Variants in SNRPN observed in about 807,000 individuals in gnomAD.
SNRPN encodes small nuclear ribonucleoprotein-associated protein N.
SNRPN carries 7 observed loss-of-function variants against 25.2 expected under a neutral mutation model. The observed-to-expected ratio is 0.28, with a 90% confidence interval of 0.16 to 0.52. The LOEUF (loss-of-function observed/expected upper bound fraction) is 0.52. Among genes scored for constraint, SNRPN ranks in the 20% least tolerant of loss-of-function variants. SNRPN has a pLI of 0.96. For synonymous variants in SNRPN, 124 were observed against 110.6 expected (o/e 1.12, Z -0.76); for missense variants, 196 against 322.5 (o/e 0.61, Z 3.00).
chr15:24,954,868 G>A, upstream of SNRPN: 1 of 797,762 alleles, frequency 1.3e-6, no homozygotes, highest in Non-Finnish European at 2.0e-6. Flanking sequence ...GGTGAGGGAG[G>A]GAGCTGGGAC....
intron 1 of SNRPN, among the ~76,000 whole-genome samples, chr15:24,824,430 A>G (rs752350889): frequency 1.3e-5 from 2 of 152,108 alleles, no homozygotes; most frequent in Admixed American, 1.3e-4. Context: ...TGGTTTTGTA[A>G]ATGGCTGCTT....
At chr15:24,891,007 T>A (rs1270693706) in intron 2 of SNRPN, among the ~76,000 whole-genome samples, 1 of 152,088 alleles carries the variant, frequency 6.6e-6, no homozygotes, top group Non-Finnish European at 1.5e-5. Context: ...ACCACCCAGG[T>A]CCAATCAGTT....
At chr15:24,886,762 G>C (rs898622320) in intron 2 of SNRPN, among the ~76,000 whole-genome samples, 34 of 152,316 alleles carry the variant, frequency 2.2e-4, no homozygotes, top group African/African-American at 8.2e-4. Flanking sequence ...CAATGACTTT[G>C]AGCAGAGTTG....
At chr15:24,824,581 C>A (rs1020112008) in intron 1 of SNRPN, among the ~76,000 whole-genome samples, 5 of 152,104 alleles carry the variant, frequency 3.3e-5, no homozygotes, top group Non-Finnish European at 7.3e-5. Flanking sequence ...TTAATAGTAT[C>A]ATCTTGTAGA....
At chr15:24,847,149 T>C (rs2052274986) in intron 2 of SNRPN, among the ~76,000 whole-genome samples, 2 of 152,122 alleles carry the variant, frequency 1.3e-5, no homozygotes, top group African/African-American at 4.8e-5. Flanking sequence ...TTTCATGCCT[T>C]AATTTCACCT....
chr15:24,968,500 A>G (rs1566967281), intron 3 of SNRPN: 1 of 156,314 alleles, frequency 6.4e-6, no homozygotes, highest in East Asian at 1.9e-4. Context: ...AGATGTGAAA[A>G]TAAATTGAAT....
At chr15:24,884,419 G>T (rs1387555617) in intron 1 of SNRPN, among the ~76,000 whole-genome samples, 1 of 152,258 alleles carries the variant, frequency 6.6e-6, no homozygotes, top group African/African-American at 2.4e-5. Context: ...TGGTGTAAAG[G>T]TATGCATTGT....
chr15:24,935,847 G>A (rs897299361), intron 3 of SNRPN, among the ~76,000 whole-genome samples: 5 of 151,984 alleles, frequency 3.3e-5, no homozygotes, highest in African/African-American at 7.3e-5. Context: ...GGCTGGGTGC[G>A]GTGGCTCACC....
chr15:24,923,599 T>C (rs1370162230), intron 3 of SNRPN, among the ~76,000 whole-genome samples: 1 of 152,194 alleles, frequency 6.6e-6, no homozygotes, highest in East Asian at 1.9e-4. Context: ...AATGGTGGTA[T>C]AGGAATTCAA....
rs931328420 is a variant in SNRPN, at chr15:24,929,477, G to A, written c.-391+9353G>A. ...ATGTAAGCAGGCTTCTGCAGTGAAA[G>A]GGGCCAGGTCTAGGAAGATGGGGAA... On this transcript the variant is annotated intron_variant, in intron 3 of 11. Transcript: ENST00000400097. This position sits in a 1 kb window ranked among gnomAD's most constrained non-coding sequence, Gnocchi z 5.3. Among the ~76,000 whole-genome samples, 18 of 152,102 alleles carry A rather than the reference G, an allele frequency of 1.2e-4. No homozygotes were observed. The highest frequency in any genetic ancestry group is 3.3e-4 in the Admixed American group (5 of 15,264).
intron 2 of SNRPN, among the ~76,000 whole-genome samples, chr15:24,831,619 C>T (rs2050526772): frequency 6.6e-6 from 1 of 151,952 alleles, no homozygotes; most frequent in Non-Finnish European, 1.5e-5. Flanking sequence ...CAATCATCTA[C>T]CCATCCTCAT....
intron 1 of SNRPN, among the ~76,000 whole-genome samples, chr15:24,879,730 T>C (rs886676234): frequency 2.6e-5 from 4 of 152,214 alleles, no homozygotes; most frequent in Non-Finnish European, 5.9e-5. Flanking sequence ...TTTAAATAAA[T>C]ATTTATTGGA....
chr15:24,908,947 C>G (rs752211961), intron 2 of SNRPN: 3 of 1,301,904 alleles, frequency 2.3e-6, no homozygotes, highest in Non-Finnish European at 3.3e-6. Flanking sequence ...CAGCAGCCTG[C>G]TTCTGAGCTC....
intron 2 of SNRPN, among the ~76,000 whole-genome samples, chr15:24,904,888 A>G (rs1172659034): frequency 4.1e-5 from 6 of 147,570 alleles, no homozygotes; most frequent in Non-Finnish European, 7.4e-5. Flanking sequence ...GCTTGCAGTG[A>G]GCCGAGATCG....
At chr15:24,972,694 C>G (rs75304235) in intron 3 of SNRPN, among the ~76,000 whole-genome samples, 3 of 151,780 alleles carry the variant, frequency 2.0e-5, no homozygotes, top group Non-Finnish European at 4.4e-5. Flanking sequence ...ACTTCAAGAC[C>G]CTTTACAATT....
intron 2 of SNRPN, among the ~76,000 whole-genome samples, chr15:24,837,306 C>T (rs542493987): frequency 1.5e-4 from 22 of 151,634 alleles, no homozygotes; most frequent in South Asian, 2.1e-4. Flanking sequence ...TTATGCAGAG[C>T]GAGTAAATGG....
intron 2 of SNRPN, among the ~76,000 whole-genome samples, chr15:24,905,824 CTAA>C (rs1311482839): frequency 6.6e-6 from 1 of 152,174 alleles, no homozygotes; most frequent in African/African-American, 2.4e-5. Flanking sequence ...TAGTGACAGT[CTAA>C]TGAGTTTTCC....
chr15:24,964,840 G>T (rs764936357), intron 2 of SNRPN, among the ~76,000 whole-genome samples: 1 of 152,110 alleles, frequency 6.6e-6, no homozygotes, highest in African/African-American at 2.4e-5. Context: ...GTGGGATGAC[G>T]TTAGCCTTCT....
At chr15:24,926,024 G>A (rs1406310864) in intron 3 of SNRPN, among the ~76,000 whole-genome samples, 3 of 152,026 alleles carry the variant, frequency 2.0e-5, no homozygotes, top group Admixed American at 6.6e-5. Flanking sequence ...CTGAGCCACC[G>A]TGCCCGGCCC....
Sources: gnomAD v4.1 joint callset for allele counts (sites outside exome capture counted in the v4.1 genomes callset) on GRCh38, gnomAD v4.1.1 for gene constraint, Gnocchi (gnomAD v3.1) non-coding constraint, MANE v1.5 for transcripts, NCBI Gene and HGNC (gene_info 2026-07-23, HGNC 2026-07-21) for gene names.